Variants in CDH12 observed in about 807,000 individuals in gnomAD.
CDH12 encodes cadherin 12.
CDH12 carries 41 observed loss-of-function variants against 74.1 expected under a neutral mutation model. That is an observed-to-expected ratio of 0.55 (90% CI 0.43 to 0.72). The LOEUF (loss-of-function observed/expected upper bound fraction) is 0.72, where lower values mean the gene tolerates loss of function less well. Ranked by LOEUF, CDH12 falls within the 30% of genes least tolerant of loss-of-function variation. CDH12 has a pLI of 0.00. For missense variants in CDH12, 945 were observed against 977.2 expected, an observed-to-expected ratio of 0.97 and a Z score of 0.44; for synonymous variants, 399 against 355.0, an observed-to-expected ratio of 1.12 and a Z score of -1.39.
intron 3 of CDH12, among the ~76,000 whole-genome samples, chr5:22,302,702 A>G (rs1242440876): frequency 1.3e-5 from 2 of 152,164 alleles, no homozygotes; most frequent in African/African-American, 4.8e-5. Flanking sequence ...CTCTGAAAAC[A>G]TATGTATCTA....
intron 1 of CDH12, among the ~76,000 whole-genome samples, chr5:22,767,483 G>A (rs1746578562): frequency 1.3e-5 from 2 of 151,870 alleles, no homozygotes; most frequent in African/African-American, 4.8e-5. Flanking sequence ...AGTCCACTGA[G>A]TGGTAAAATG....
chr5:22,521,567 T>C (rs557731889), intron 1 of CDH12, among the ~76,000 whole-genome samples: 21 of 152,308 alleles, frequency 1.4e-4, no homozygotes, highest in African/African-American at 5.1e-4. Context: ...AATACAAATG[T>C]TAACTGTTAG....
At chr5:22,843,635 T>A (rs192586833) in intron 1 of CDH12, among the ~76,000 whole-genome samples, 1 of 151,978 alleles carries the variant, frequency 6.6e-6, no homozygotes, top group Admixed American at 6.6e-5. Flanking sequence ...TGTGTGTGTG[T>A]GTGTGTGTGT....
chr5:22,775,692 A>T (rs190553650), intron 1 of CDH12, among the ~76,000 whole-genome samples: 23 of 152,188 alleles, frequency 1.5e-4, no homozygotes, highest in African/African-American at 5.1e-4. Context: ...GTGAACTGAG[A>T]TGTAAATAAA....
chr5:21,753,810 A>G (rs1331608264), intron 14 of CDH12, among the ~76,000 whole-genome samples: 2 of 152,198 alleles, frequency 1.3e-5, no homozygotes, highest in Non-Finnish European at 2.9e-5. Flanking sequence ...AGATGACCTG[A>G]GCAGATTACT....
intron 6 of CDH12, chr5:21,883,402 T>G: frequency 6.4e-7 from 1 of 1,561,468 alleles, no homozygotes; most frequent in Non-Finnish European, 8.8e-7. Flanking sequence ...CATAAGCCTT[T>G]GGTGATAATC....
intron 1 of CDH12, among the ~76,000 whole-genome samples, chr5:22,807,838 T>C (rs1748894637): frequency 6.6e-6 from 1 of 152,116 alleles, no homozygotes; most frequent in South Asian, 2.1e-4. Flanking sequence ...GCTCTGGGTG[T>C]CAGGAATGAA....
chr5:22,615,071 A>G (rs556897683), intron 1 of CDH12, among the ~76,000 whole-genome samples: 1 of 152,114 alleles, frequency 6.6e-6, no homozygotes, highest in Admixed American at 6.6e-5. Context: ...TCCATTTAAC[A>G]TTTTTGGATC....
At chr5:22,481,658 A>C (rs1020036710) in intron 2 of CDH12, among the ~76,000 whole-genome samples, 1 of 152,192 alleles carries the variant, frequency 6.6e-6, no homozygotes, top group Non-Finnish European at 1.5e-5. Context: ...AAACTCAAAG[A>C]AGCAGAGAGT....
intron 2 of CDH12, among the ~76,000 whole-genome samples, chr5:22,416,277 G>A (rs921441797): frequency 2.0e-5 from 3 of 151,104 alleles, no homozygotes; most frequent in Admixed American, 6.6e-5. Context: ...GGGTTTCACC[G>A]TGTTAGCCAG....
At chr5:22,124,950 A>G (rs1468125670) in intron 4 of CDH12, among the ~76,000 whole-genome samples, 1 of 152,236 alleles carries the variant, frequency 6.6e-6, no homozygotes, top group African/African-American at 2.4e-5. Flanking sequence ...TAGTAGAAAA[A>G]CAAAGCAAAC....
At chr5:22,389,650 A>AT (rs33947511) in intron 3 of CDH12, among the ~76,000 whole-genome samples, 45,573 of 138,248 alleles carry the variant, frequency 0.33, 8,322 homozygotes, top group Admixed American at 0.45. Flanking sequence ...TAAAAAGACA[A>AT]TTTTTTTTTT....
At chr5:22,840,530 T>C (rs1737036758) in intron 1 of CDH12, among the ~76,000 whole-genome samples, 2 of 149,896 alleles carry the variant, frequency 1.3e-5, no homozygotes, top group Admixed American at 1.3e-4. Context: ...AAAAGCTATA[T>C]ATAATATGCT....
intron 2 of CDH12, among the ~76,000 whole-genome samples, chr5:22,502,293 T>C (rs532841228): frequency 5.3e-5 from 8 of 152,024 alleles, no homozygotes; most frequent in Non-Finnish European, 1.0e-4. Flanking sequence ...TTCCCCTGAA[T>C]ATACTCTCTT....
intron 2 of CDH12, among the ~76,000 whole-genome samples, chr5:22,485,986 G>T (rs1208608951): frequency 1.3e-5 from 2 of 152,162 alleles, no homozygotes; most frequent in Non-Finnish European, 1.5e-5. Flanking sequence ...CTGGATAAGG[G>T]ACCTTTTTCA....
chr5:21,902,785 T>C (rs1753453941), intron 6 of CDH12, among the ~76,000 whole-genome samples: 1 of 152,130 alleles, frequency 6.6e-6, no homozygotes, highest in African/African-American at 2.4e-5. Flanking sequence ...AATTAGTCAA[T>C]GTAGCCAATG....
chr5:22,776,004 CT>C (rs1192873153), intron 1 of CDH12, among the ~76,000 whole-genome samples: 1 of 152,078 alleles, frequency 6.6e-6, no homozygotes, highest in African/African-American at 2.4e-5. Flanking sequence ...TAAGAAGTGC[CT>C]TTTGCCTCTC....
chr5:22,617,720 G>A lies in CDH12; in HGVS notation c.-522-112356C>T, dbSNP rs182206769. Among the ~76,000 whole-genome samples the A allele has an allele frequency of 5.1e-4, 77 of 152,140 alleles. 1 individual carries two copies. In the East Asian group the frequency reaches 0.014, roughly 28 times the overall value. ...ATTCTGCTCTTGTTTTCTTCCATCT[G>A]AACATAGAAACTAACTTGTTTTGTG... is the stretch of plus-strand genomic sequence containing the variant. On this transcript the variant is annotated intron_variant, in intron 1 of 14. Transcript: ENST00000382254.
At chr5:22,774,353 C>T (rs1175140781) in intron 1 of CDH12, among the ~76,000 whole-genome samples, 2 of 152,088 alleles carry the variant, frequency 1.3e-5, no homozygotes, top group African/African-American at 4.8e-5. Context: ...GGCCATTATC[C>T]TAAGTGAATT....
Sources: allele counts gnomAD v4.1 joint callset (sites outside exome capture counted in the v4.1 genomes callset), GRCh38; gene constraint gnomAD v4.1.1; transcripts MANE v1.5; gene names NCBI Gene and HGNC (gene_info 2026-07-23, HGNC 2026-07-21).